Variants in CROT observed in about 807,000 individuals in gnomAD.
CROT encodes the protein peroxisomal carnitine O-octanoyltransferase.
In CROT, 84 loss-of-function variants were observed where a neutral mutation model predicts 89.2. The ratio of observed to expected loss-of-function variants is 0.94; its 90% CI spans 0.79 to 1.13. The LOEUF is 1.13. Among genes scored for constraint, CROT ranks in the 50% most tolerant of loss-of-function variants. The pLI is 0.00. For missense variants in CROT, 711 were observed against 727.8 expected (o/e 0.98, Z 0.27); for synonymous variants, 212 against 239.5 (o/e 0.89, Z 1.06).
rs1807045586 is a variant in CROT, at chr7:87,382,523, C to G, written c.1281C>G (p.Ala427=). 1 of 1,613,826 alleles carries G rather than the reference C, an allele frequency of 6.2e-7. No individual in the cohort carries two copies. The highest frequency in any genetic ancestry group is 1.7e-5 in the Admixed American group (1 of 59,996). ...TTATTCAGCTTGCACTTCAGCTGGCCTATTACAGACTTCATGGACAGTAAG... is the reference window on the plus strand; with the variant it reads ...TTATTCAGCTTGCACTTCAGCTGGCGTATTACAGACTTCATGGACAGTAAG... The part of the protein sequence containing the change: ...DTFIQLALQL[A]YYRLHGHPGC... The change falls in exon 13 of 18, where the codon GCC becomes GCG. Residue 427 remains alanine (A), a synonymous_variant. Coordinates refer to ENST00000331536, the MANE Select transcript of CROT (RefSeq NM_021151.4).
chr7:87,387,336 A>G (rs1807213760), intron 13 of CROT, among the ~76,000 whole-genome samples: 2 of 151,970 alleles, frequency 1.3e-5, no homozygotes, highest in Admixed American at 1.3e-4. Flanking sequence ...TTATCAGTAA[A>G]TTTGTGTTTA....
At chr7:87,381,333 T>G (rs1806995182) in intron 10 of CROT, among the ~76,000 whole-genome samples, 1 of 152,212 alleles carries the variant, frequency 6.6e-6, no homozygotes, top group Admixed American at 6.5e-5. Flanking sequence ...TAAATACACC[T>G]GGCAAACCTG....
chr7:87,385,882 T>C (rs572509100), intron 13 of CROT, among the ~76,000 whole-genome samples: 1 of 152,346 alleles, frequency 6.6e-6, no homozygotes, highest in South Asian at 2.1e-4. Flanking sequence ...AAATTTTTTT[T>C]ATCATGAAGG....
At chr7:87,366,812 C>A (rs1222490808) in intron 6 of CROT, among the ~76,000 whole-genome samples, 1 of 152,158 alleles carries the variant, frequency 6.6e-6, no homozygotes, top group Non-Finnish European at 1.5e-5. Context: ...AAGATACCTA[C>A]TCTAGCAATT....
At chr7:87,378,995 A>G (rs997011390) in intron 10 of CROT, among the ~76,000 whole-genome samples, 3 of 152,208 alleles carry the variant, frequency 2.0e-5, no homozygotes, top group Non-Finnish European at 4.4e-5. Flanking sequence ...CTTTGAGTCT[A>G]CTGTTGACAG....
rs190616421 is a variant in CROT, at chr7:87,396,451, G to T, written c.1719-2073G>T. Among the ~76,000 whole-genome samples, 10 of 152,262 alleles carry T rather than the reference G, an allele frequency of 6.6e-5. No homozygotes were observed. In the East Asian group the frequency reaches 1.9e-3, roughly 29 times the overall value. ...GTTCTGATTATTCAAGACTGTTTTT[G>T]ATGGCTTTTATGACATGCACTGGAC... On this transcript the variant is annotated intron_variant, in intron 17 of 17. Coordinates refer to ENST00000331536, the MANE Select transcript of CROT (RefSeq NM_021151.4).
intron 7 of CROT, among the ~76,000 whole-genome samples, chr7:87,372,099 CA>C (rs1474238082): frequency 6.7e-6 from 1 of 150,236 alleles, no homozygotes; most frequent in Non-Finnish European, 1.5e-5. Context: ...TCCCTCATTA[CA>C]AGTGAGGTTG....
At chr7:87,357,273 C>T (rs1806108952) in intron 3 of CROT, among the ~76,000 whole-genome samples, 1 of 152,180 alleles carries the variant, frequency 6.6e-6, no homozygotes, top group East Asian at 1.9e-4. Context: ...AAAGCATATA[C>T]TGGCGTACAT....
intron 6 of CROT, 30 bp from the exon 7 acceptor site, chr7:87,369,346 G>A: frequency 6.8e-7 from 1 of 1,478,352 alleles, no homozygotes; most frequent in Non-Finnish European, 9.3e-7. Flanking sequence ...CCTTAGATTT[G>A]AGTCTTGTGT....
chr7:87,398,449 T>C, intron 17 of CROT, 75 bp from the exon 18 acceptor site: 7 of 1,547,612 alleles, frequency 4.5e-6, no homozygotes, highest in Non-Finnish European at 6.2e-6. Flanking sequence ...CCAGATGAAA[T>C]AAAGTCCTGG....
Position 87,391,711 on chromosome 7 carries a change from A to T in CROT, c.1424A>T (p.Asn475Ile). ...CAGTCCATGCAGGATCCTTCTGTCA[A>T]TGTGAGTATTGGAAAGGAAAAAAAC... ...WCQSMQDPSVNLRERQQKMLQ... is the reference protein window; with the variant it reads ...WCQSMQDPSVILRERQQKMLQ... The change falls in exon 14 of 18, where the codon AAT becomes ATT. Residue 475 changes from asparagine to isoleucine, a missense_variant and splice_region_variant. Physicochemically the swap from Asn to Ile is moderately radical, Grantham distance 149 (BLOSUM62 -3). Transcript: ENST00000331536. 6.2e-7 allele frequency: 1 copy of T among 1,604,810 alleles called. No individual in the cohort carries two copies. Among genetic ancestry groups the T allele is most frequent in the East Asian group, 2.3e-5 (1 of 44,354 alleles).
chr7:87,357,363 C>T (rs1584622571), intron 3 of CROT: 1 of 1,036,422 alleles, frequency 9.6e-7, no homozygotes, highest in Middle Eastern at 2.0e-4. Flanking sequence ...AAATATTATA[C>T]CCTAGAGACT....
intron 3 of CROT, chr7:87,354,526 A>C (rs993317313): frequency 1.4e-5 from 6 of 417,312 alleles, no homozygotes; most frequent in African/African-American, 1.0e-4. Context: ...AAAGTACAGA[A>C]TCAAGTTATA....
At chr7:87,355,097 A>T (rs1376830520) in intron 3 of CROT, among the ~76,000 whole-genome samples, 1 of 121,880 alleles carries the variant, frequency 8.2e-6, no homozygotes, top group East Asian at 2.4e-4. Context: ...CTTACCAAAA[A>T]TATGTATTTT....
Position 87,399,103 on chromosome 7 carries a change from G to A in CROT, c.*459G>A, listed in dbSNP as rs1468272561. The A allele has an allele frequency of 6.1e-6, 1 of 163,030 alleles. No individual in the cohort carries two copies. Among genetic ancestry groups the A allele is most frequent in the Admixed American group, 6.1e-5 (1 of 16,462 alleles). The allele number at this position is 163,030 out of a possible 1,614,324, so 10.1% of individuals were successfully genotyped here. A position where few individuals can be genotyped will look rare whatever the true frequency, so the allele number is the denominator to read the frequency against. ...GTATGCTAATTTCCCTGAAATCAAT[G>A]CCTTCTATGTTCACCACAGGGATAC... is the stretch of plus-strand genomic sequence containing the variant. On this transcript the variant is annotated 3_prime_UTR_variant, in exon 18 of 18. Transcript: ENST00000331536.
Position 87,375,949 on chromosome 7 carries a change from C to T in CROT, c.872C>T (p.Ser291Phe), listed in dbSNP as rs1806799240. ...SSPHVTPEDYSEIIAAILIGD... is the reference protein window; with the variant it reads ...SSPHVTPEDYFEIIAAILIGD... ...CCACATGTAACACCAGAGGATTATTCTGAGGTACTTAACTACCTTCTCTTT... is the reference window on the plus strand; with the variant it reads ...CCACATGTAACACCAGAGGATTATTTTGAGGTACTTAACTACCTTCTCTTT... Residue 291 changes from serine to phenylalanine, a missense_variant, in exon 9 of 18, where the codon TCT (serine) becomes TTT (phenylalanine). By Grantham distance (155) the Ser-to-Phe change is radical. Transcript: ENST00000331536. 6.3e-7 allele frequency: 1 copy of T among 1,579,022 alleles called. No individual in the cohort carries two copies. Among genetic ancestry groups the T allele is most frequent in the Non-Finnish European group, 8.6e-7 (1 of 1,167,254 alleles).
Position 87,398,689 on chromosome 7 carries a change from TGAGTGCTGG to T in CROT, c.*51_*59del. 1 of 1,586,600 alleles carries T rather than the reference TGAGTGCTGG, an allele frequency of 6.3e-7. No homozygotes were observed. The highest frequency in any genetic ancestry group is 8.6e-7 in the Non-Finnish European group (1 of 1,164,400). ...CACTTACCAAAACATATCATTAAAC[TGAGTGCTGG>T]GAGTGAGTTGGTAATATGAGATGGG... On this transcript the variant is annotated 3_prime_UTR_variant, in exon 18 of 18. Coordinates refer to ENST00000331536, the MANE Select transcript of CROT (RefSeq NM_021151.4).
At chr7:87,365,808 G>A (rs952250088) in intron 6 of CROT, among the ~76,000 whole-genome samples, 6 of 151,928 alleles carry the variant, frequency 3.9e-5, no homozygotes, top group Non-Finnish European at 8.8e-5. Context: ...GTTTTGCCAT[G>A]TTGCCCAGGC....
rs202220049 is a variant in CROT, at chr7:87,375,685, T to C, written c.710T>C (p.Ile237Thr). Reference protein sequence around the residue: ...KCHSEPDGPGIAALTSEERTR... With the variant: ...KCHSEPDGPGTAALTSEERTR... The stretch of plus-strand genomic sequence containing the variant: ...CATAGTGAACCTGATGGACCTGGGA[T>C]TGCAGCATTAACTAGTGAGGAGCGA... Residue 237 changes from isoleucine to threonine, a missense_variant, in exon 8 of 18, where the codon ATT becomes ACT. By Grantham distance (89) the Ile-to-Thr change is moderately conservative (BLOSUM62 -1). Coordinates refer to ENST00000331536, the MANE Select transcript of CROT (RefSeq NM_021151.4). 2.5e-5 allele frequency: 41 copies of C among 1,613,668 alleles called. No individual in the cohort carries two copies. Among genetic ancestry groups the C allele is most frequent in the East Asian group, 2.0e-4 (9 of 44,858 alleles).
Sources: allele counts gnomAD v4.1 joint callset (sites outside exome capture counted in the v4.1 genomes callset), GRCh38; gene constraint gnomAD v4.1.1; transcripts MANE v1.5; gene names NCBI Gene and HGNC (gene_info 2026-07-23, HGNC 2026-07-21).